Variants in RGS6 observed in about 807,000 individuals in gnomAD.
The protein encoded by RGS6 is regulator of G-protein signaling 6.
RGS6 carries 30 observed loss-of-function variants against 78.5 expected under a neutral mutation model. That is an observed-to-expected ratio of 0.38 (90% CI 0.29 to 0.52). The LOEUF (loss-of-function observed/expected upper bound fraction) is 0.52. Among genes scored for constraint, RGS6 ranks in the 20% least tolerant of loss-of-function variants. RGS6 has a pLI of 0.85. For synonymous variants in RGS6, 206 were observed against 206.0 expected, an observed-to-expected ratio of 1.00 and a Z score of 0.00; for missense variants, 495 against 609.7, an observed-to-expected ratio of 0.81 and a Z score of 1.98.
At chr14:72,513,281 A>G (rs1419917351) in intron 14 of RGS6, among the ~76,000 whole-genome samples, 1 of 152,202 alleles carries the variant, frequency 6.6e-6, no homozygotes, top group Non-Finnish European at 1.5e-5. Context: ...GAGGAGCCCC[A>G]AAGTGTCACC....
chr14:71,899,266 G>A, the RGS6 span, among the ~76,000 whole-genome samples: 10 of 152,120 alleles, frequency 6.6e-5, no homozygotes, highest in Non-Finnish European at 1.0e-4. Flanking sequence ...TGTATTTGCC[G>A]CTTGCTGTGT....
At chr14:72,117,934 T>C (rs916755172) in intron 2 of RGS6, among the ~76,000 whole-genome samples, 1 of 152,194 alleles carries the variant, frequency 6.6e-6, no homozygotes, top group African/African-American at 2.4e-5. Context: ...CTCTGCCCTG[T>C]GACCCACAGG....
chr14:72,302,530 T>C (rs1262204324), intron 2 of RGS6, among the ~76,000 whole-genome samples: 1 of 152,226 alleles, frequency 6.6e-6, no homozygotes, highest in Non-Finnish European at 1.5e-5. Context: ...CCTTTTAGAA[T>C]ACTTATTGGA....
intron 2 of RGS6, among the ~76,000 whole-genome samples, chr14:72,222,052 C>T (rs2046996284): frequency 6.6e-6 from 1 of 152,256 alleles, no homozygotes; most frequent in Non-Finnish European, 1.5e-5. Flanking sequence ...TTGGATTTGA[C>T]TTCTCATGTA....
chr14:72,415,853 A>G (rs1381385224), intron 3 of RGS6, among the ~76,000 whole-genome samples: 5 of 152,308 alleles, frequency 3.3e-5, no homozygotes, highest in African/African-American at 1.2e-4. Flanking sequence ...AACTAAAAGC[A>G]TAAAAAGTTT....
At chr14:72,074,061 A>T (rs965193577) in intron 2 of RGS6, among the ~76,000 whole-genome samples, 1 of 152,180 alleles carries the variant, frequency 6.6e-6, no homozygotes, top group Non-Finnish European at 1.5e-5. Context: ...GAATCATTTA[A>T]GGTGTTTGTT....
chr14:72,188,402 G>A (rs984813472), intron 2 of RGS6, among the ~76,000 whole-genome samples: 2 of 152,110 alleles, frequency 1.3e-5, no homozygotes, highest in South Asian at 2.1e-4. Flanking sequence ...TGGAGTTGAC[G>A]TGAGGATCTC....
chr14:71,980,591 C>G (rs1219642946), intron 2 of RGS6, among the ~76,000 whole-genome samples: 11 of 72,324 alleles, frequency 1.5e-4, no homozygotes, highest in African/African-American at 5.4e-4. Context: ...ATATTGGCCC[C>G]CACTCTCTTC....
At chr14:72,081,852 G>T (rs765229039) in intron 2 of RGS6, among the ~76,000 whole-genome samples, 1 of 151,834 alleles carries the variant, frequency 6.6e-6, no homozygotes, top group Non-Finnish European at 1.5e-5. Flanking sequence ...ACTTCTTCTC[G>T]TAATTTTTTA....
the RGS6 span, among the ~76,000 whole-genome samples, chr14:72,604,012 G>A: frequency 1.3e-5 from 2 of 152,146 alleles, no homozygotes; most frequent in African/African-American, 2.4e-5. Context: ...AGTTTAACAG[G>A]ATCCAAGAGA....
At position 72,562,833 on chromosome 14, in the gene RGS6, C is replaced by T. The variant is rs2153557430; in HGVS notation, c.*366C>T. 5 of 1,329,884 alleles carry T rather than the reference C, an allele frequency of 3.8e-6. No individual in the cohort carries two copies. Among genetic ancestry groups the T allele is most frequent in the Admixed American group, 2.0e-5 (1 of 50,722 alleles). 82.4% of individuals were successfully genotyped at this position (1,329,884 alleles called of 1,614,324 possible). On this transcript the variant is annotated 3_prime_UTR_variant, in exon 18 of 18. Transcript: ENST00000553525. ...GATTATATTATTATCCTCACTCCCT[C>T]GCTGTCTGGAGACGGTCACACCTTC... is the stretch of plus-strand genomic sequence containing the variant.
At chr14:72,360,373 T>A (rs947587654) in intron 3 of RGS6, among the ~76,000 whole-genome samples, 11 of 151,626 alleles carry the variant, frequency 7.3e-5, no homozygotes, top group African/African-American at 2.7e-4. Context: ...TACAAAAAAA[T>A]TAGCTGGGTG....
At chr14:71,888,751 G>C in the RGS6 span, among the ~76,000 whole-genome samples, 4 of 152,124 alleles carry the variant, frequency 2.6e-5, no homozygotes, top group African/African-American at 7.2e-5. Context: ...GAACAAGTAG[G>C]TTCAAGAGGA....
At chr14:72,574,295 TCA>T in the RGS6 span, among the ~76,000 whole-genome samples, 1 of 152,190 alleles carries the variant, frequency 6.6e-6, no homozygotes, top group African/African-American at 2.4e-5. Context: ...GCCAGTTCAC[TCA>T]CACAGTGTTC....
chr14:72,611,090 C>A, the RGS6 span, among the ~76,000 whole-genome samples: 1 of 152,272 alleles, frequency 6.6e-6, no homozygotes, highest in Admixed American at 6.5e-5. Flanking sequence ...CCATCCAGGG[C>A]CCCAGAGGAG....
At chr14:72,478,475 C>A in intron 12 of RGS6, 146 bp downstream of exon 12, 3 of 635,154 alleles carry the variant, frequency 4.7e-6, no homozygotes, top group Non-Finnish European at 8.4e-6. Context: ...CCCACAGGCT[C>A]CATGTGAGTA....
intron 2 of RGS6, among the ~76,000 whole-genome samples, chr14:72,235,994 T>C (rs985962549): frequency 6.6e-6 from 1 of 152,230 alleles, no homozygotes; most frequent in South Asian, 2.1e-4. Flanking sequence ...CTTCAATAAT[T>C]AAAGCAAGCA....
chr14:72,381,420 AT>A (rs1012073427), intron 3 of RGS6, among the ~76,000 whole-genome samples: 21 of 152,098 alleles, frequency 1.4e-4, no homozygotes, highest in African/African-American at 5.1e-4. Flanking sequence ...AATATGTACA[AT>A]TTTTACATCA....
the RGS6 span, among the ~76,000 whole-genome samples, chr14:71,881,905 TG>T: frequency 6.6e-6 from 1 of 152,230 alleles, no homozygotes; most frequent in Non-Finnish European, 1.5e-5. Flanking sequence ...TTATTTTTAT[TG>T]GAAGCCTATG....
Sources: gnomAD v4.1 joint callset for allele counts (sites outside exome capture counted in the v4.1 genomes callset) on GRCh38, gnomAD v4.1.1 for gene constraint, MANE v1.5 for transcripts, NCBI Gene and HGNC (gene_info 2026-07-23, HGNC 2026-07-21) for gene names.